The following PTPRR variants were observed in gnomAD, a reference collection of about 807,000 sequenced individuals.
The protein encoded by PTPRR is receptor-type tyrosine-protein phosphatase R.
Under a neutral mutation model 77.2 loss-of-function variants are expected in PTPRR, and 38 were observed. The observed-to-expected ratio is 0.49, with a 90% confidence interval of 0.38 to 0.65. PTPRR has a LOEUF of 0.65. PTPRR is among the 30% of genes least tolerant of loss of function. PTPRR has a pLI of 0.00. For synonymous variants in PTPRR, 299 were observed against 283.1 expected, an observed-to-expected ratio of 1.06 and a Z score of -0.57; for missense variants, 744 against 799.2, an observed-to-expected ratio of 0.93 and a Z score of 0.83.
intron 2 of PTPRR, among the ~76,000 whole-genome samples, chr12:70,888,507 A>G (rs1409163337): frequency 1.3e-5 from 2 of 152,148 alleles, no homozygotes; most frequent in Non-Finnish European, 2.9e-5. Flanking sequence ...TTTTAAAATC[A>G]GATTTATTCT....
intron 1 of PTPRR, among the ~76,000 whole-genome samples, chr12:70,913,545 A>G (rs1893732088): frequency 6.6e-6 from 1 of 152,162 alleles, no homozygotes; most frequent in East Asian, 1.9e-4. Context: ...TTTAAAGTAA[A>G]AAAAAAATCT....
chr12:70,695,149 G>C (rs1888188883), intron 8 of PTPRR, among the ~76,000 whole-genome samples: 1 of 152,006 alleles, frequency 6.6e-6, no homozygotes, highest in African/African-American at 2.4e-5. Context: ...TCTGTTGCAA[G>C]GCATTCTCAG....
At chr12:70,703,398 C>T (rs1022142626) in intron 6 of PTPRR, among the ~76,000 whole-genome samples, 1 of 152,030 alleles carries the variant, frequency 6.6e-6, no homozygotes, top group Middle Eastern at 3.2e-3. Context: ...ATCCTGCCTA[C>T]CTAATAGAGG....
intron 6 of PTPRR, among the ~76,000 whole-genome samples, 171 bp from the exon 7 acceptor site, chr12:70,701,494 C>T (rs1877539): frequency 1 from 152,077 of 152,318 alleles, 75,919 homozygotes; most frequent in Middle Eastern, 1. Flanking sequence ...ATAGTTCCTT[C>T]ACAGGAAAAT....
chr12:70,810,845 T>C (rs971959184), intron 2 of PTPRR, among the ~76,000 whole-genome samples: 1 of 152,218 alleles, frequency 6.6e-6, no homozygotes, highest in African/African-American at 2.4e-5. Context: ...CAATTACCTT[T>C]AAGACCTCAT....
chr12:70,889,057 GT>G lies in PTPRR; in HGVS notation c.357+3621del, dbSNP rs566258311. On this transcript the variant is annotated intron_variant, in intron 2 of 13. Transcript: ENST00000283228. ...CTAGAGCTAAATGTACTACAAAAGT[GT>G]TGGCATTTGAACCAATAAATTTTCT... Among the ~76,000 whole-genome samples the G allele has an allele frequency of 6.4e-4, 98 of 152,270 alleles. No individual in the cohort carries two copies. The South Asian group carries it at 7.1e-3, about 11-fold the overall frequency.
At chr12:70,882,298 G>C (rs755305954) in intron 2 of PTPRR, among the ~76,000 whole-genome samples, 1 of 152,222 alleles carries the variant, frequency 6.6e-6, no homozygotes, top group East Asian at 1.9e-4. Context: ...CTGATTCCAA[G>C]ATTCTTTGCA....
At chr12:70,806,411 G>A (rs1891710394) in intron 2 of PTPRR, among the ~76,000 whole-genome samples, 1 of 152,164 alleles carries the variant, frequency 6.6e-6, no homozygotes, top group South Asian at 2.1e-4. Context: ...AAGATATAGT[G>A]GTTGGAAAGA....
chr12:70,736,247 G>A (rs919880036), intron 6 of PTPRR, among the ~76,000 whole-genome samples: 1 of 152,084 alleles, frequency 6.6e-6, no homozygotes, highest in Non-Finnish European at 1.5e-5. Context: ...TGAGTGTTTT[G>A]AGTCCACCTC....
At chr12:70,756,148 G>GTAGTTCTAC (rs1382262745) in intron 4 of PTPRR, among the ~76,000 whole-genome samples, 1 of 151,872 alleles carries the variant, frequency 6.6e-6, no homozygotes, top group African/African-American at 2.4e-5. Flanking sequence ...TTTTCTTGCT[G>GTAGTTCTAC]TAGTTCTACA....
chr12:70,682,332 C>T (rs867693474), intron 10 of PTPRR, among the ~76,000 whole-genome samples: 1 of 152,062 alleles, frequency 6.6e-6, no homozygotes, highest in African/African-American at 2.4e-5. Context: ...CGTGAGCCAC[C>T]GCGCCCGGCC....
chr12:70,700,693 G>A lies in PTPRR; in HGVS notation c.1194+444C>T, dbSNP rs568011006. On this transcript the variant is annotated intron_variant, in intron 7 of 13. Coordinates refer to ENST00000283228, the MANE Select transcript of PTPRR (RefSeq NM_002849.4). ...GCTCCCTTTTAGTGCCTACTCCACTGCAAATAGAATGATCTATCCAAAACA... is the reference window on the plus strand; with the variant it reads ...GCTCCCTTTTAGTGCCTACTCCACTACAAATAGAATGATCTATCCAAAACA... Among the ~76,000 whole-genome samples, 13 of 152,230 alleles carry A rather than the reference G, an allele frequency of 8.5e-5. No homozygotes were observed. The South Asian group carries it at 2.1e-3, about 24-fold the overall frequency.
At chr12:70,757,256 A>G (rs74420576) in intron 4 of PTPRR, among the ~76,000 whole-genome samples, 1,663 of 152,284 alleles carry the variant, frequency 0.011, 28 homozygotes, top group African/African-American at 0.038. Flanking sequence ...TTGGACTTTT[A>G]TTTAAAGAAG....
At chr12:70,746,483 A>AT (rs1409050878) in intron 5 of PTPRR, among the ~76,000 whole-genome samples, 1 of 152,202 alleles carries the variant, frequency 6.6e-6, no homozygotes, top group East Asian at 1.9e-4. Flanking sequence ...AACATGGCTT[A>AT]GTAGAAAAAA....
chr12:70,838,974 C>G (rs527335151), intron 2 of PTPRR, among the ~76,000 whole-genome samples: 2 of 152,274 alleles, frequency 1.3e-5, no homozygotes, highest in African/African-American at 4.8e-5. Flanking sequence ...TCCCTTGCAG[C>G]TTGCTATGGC....
intron 1 of PTPRR, among the ~76,000 whole-genome samples, chr12:70,899,998 A>G (rs1893503548): frequency 6.6e-6 from 1 of 151,558 alleles, no homozygotes; most frequent in Admixed American, 6.6e-5. Flanking sequence ...ATATACTGAA[A>G]ACTATAAAAT....
At chr12:70,899,462 A>G (rs1314094573) in intron 1 of PTPRR, among the ~76,000 whole-genome samples, 2 of 151,478 alleles carry the variant, frequency 1.3e-5, no homozygotes, top group Non-Finnish European at 3.0e-5. Flanking sequence ...GAGTCTAAAG[A>G]GGAAAAATAA....
chr12:70,653,912 A>G (rs183316292), intron 13 of PTPRR, among the ~76,000 whole-genome samples: 61 of 152,340 alleles, frequency 4.0e-4, no homozygotes, highest in Non-Finnish European at 7.5e-4. Flanking sequence ...GCTAACAGAA[A>G]GAGAAAATAA....
At chr12:70,700,106 CCA>C (rs1458982343) in intron 7 of PTPRR, among the ~76,000 whole-genome samples, 1 of 152,148 alleles carries the variant, frequency 6.6e-6, no homozygotes, top group East Asian at 1.9e-4. Flanking sequence ...ATATGATACA[CCA>C]CAGAGTCTGA....
Sources: allele counts gnomAD v4.1 joint callset (sites outside exome capture counted in the v4.1 genomes callset), GRCh38; gene constraint gnomAD v4.1.1; transcripts MANE v1.5; gene names NCBI Gene and HGNC (gene_info 2026-07-23, HGNC 2026-07-21).